The following RAB36 variants were observed in gnomAD, a reference collection of about 807,000 sequenced individuals.
The protein encoded by RAB36 is RAB36, member RAS oncogene family.
In RAB36, 33 loss-of-function variants were observed where a neutral mutation model predicts 39.3. The ratio of observed to expected loss-of-function variants is 0.84; its 90% CI spans 0.64 to 1.12. The LOEUF is 1.12. Ranked by LOEUF, RAB36 falls within the 50% of genes most tolerant of loss-of-function variation. RAB36 has a pLI of 0.00. For synonymous variants in RAB36, 133 were observed against 140.2 expected, an observed-to-expected ratio of 0.95 and a Z score of 0.36; for missense variants, 308 against 355.3, an observed-to-expected ratio of 0.87 and a Z score of 1.07.
rs555108054 is a variant in RAB36, at chr22:23,165,004, T to A, written c.*3440T>A. On this transcript the variant is annotated 3_prime_UTR_variant, in exon 11 of 11. Coordinates refer to ENST00000263116, the MANE Select transcript of RAB36 (RefSeq NM_004914.5). ...TGCCCAACGGCTGGGACACCCCTAC[T>A]CCCAGAGAGGCCTCTGTGGACACCC... Among the ~76,000 whole-genome samples, 1 of 148,538 alleles carries A rather than the reference T, an allele frequency of 6.7e-6. No homozygotes were observed. Among genetic ancestry groups the A allele is most frequent in the South Asian group, 2.2e-4 (1 of 4,504 alleles).
At chr22:23,154,214 C>G (rs2071334190) in intron 5 of RAB36, among the ~76,000 whole-genome samples, 1 of 152,126 alleles carries the variant, frequency 6.6e-6, no homozygotes, top group African/African-American at 2.4e-5. Flanking sequence ...TGAGACCCTT[C>G]CGTGCTCCCC....
In RAB36 at chr22:23,161,410, A is replaced by G. The variant is rs1178260868; in HGVS notation, c.740-90A>G. The G allele has an allele frequency of 7.6e-6, 9 of 1,188,684 alleles. No homozygotes were observed. In the Middle Eastern group the frequency reaches 5.6e-4, roughly 75 times the overall value. 73.6% of individuals were successfully genotyped at this position (1,188,684 alleles called of 1,614,324 possible). A position where few individuals can be genotyped will look rare whatever the true frequency, so the allele number is the denominator to read the frequency against. ...ACAGCAGGCCCAGAAGCTTCAGCTC[A>G]CAGCTCTGACTGTCAGGGCCGGCAT... On this transcript the variant is annotated intron_variant, in intron 10 of 10. Transcript: ENST00000263116.
rs562332231 is a variant in RAB36 at position 23,164,710 on chromosome 22, C to T, written c.*3146C>T. ...CCGCGTCCAAGTGCTGCCGAAACGCCTTTTTCCTCTTCCCTGTTTCCCTGG... is the reference window on the plus strand; with the variant it reads ...CCGCGTCCAAGTGCTGCCGAAACGCTTTTTTCCTCTTCCCTGTTTCCCTGG... On this transcript the variant is annotated 3_prime_UTR_variant, in exon 11 of 11. Transcript: ENST00000263116. Among the ~76,000 whole-genome samples, 1 of 152,290 alleles carries T rather than the reference C, an allele frequency of 6.6e-6. No homozygotes were observed. Among genetic ancestry groups the T allele is most frequent in the East Asian group, 1.9e-4 (1 of 5,174 alleles).
chr22:23,153,588 G>A lies in RAB36; in HGVS notation c.329+454G>A, dbSNP rs1183683452. 4 of 984,560 alleles carry A rather than the reference G, an allele frequency of 4.1e-6. No individual in the cohort carries two copies. The African/African-American group carries it at 7.0e-5, about 17-fold the overall frequency. 61.0% of individuals were successfully genotyped at this position (984,560 alleles called of 1,614,324 possible). ...CTTGGGCAAGGAGGGCTGAGATGGAGTACACAGCACCCACATCCTTCCTCA... is the reference window on the plus strand; with the variant it reads ...CTTGGGCAAGGAGGGCTGAGATGGAATACACAGCACCCACATCCTTCCTCA... On this transcript the variant is annotated intron_variant, in intron 5 of 10. Coordinates refer to ENST00000263116, the MANE Select transcript of RAB36 (RefSeq NM_004914.5).
In RAB36 at chr22:23,162,397, C is replaced by G; in HGVS notation, c.*833C>G. 2.9e-6 allele frequency: 1 copy of G among 347,658 alleles called. No homozygotes were observed. 21.5% of individuals were successfully genotyped at this position (347,658 alleles called of 1,614,324 possible). The stretch of plus-strand genomic sequence containing the variant: ...CACTCTGCAGCCCTTGAACATGGCA[C>G]TGCCCTCCTCTGGCACTCATGCTGG... On this transcript the variant is annotated 3_prime_UTR_variant, in exon 11 of 11. Coordinates refer to ENST00000263116, the MANE Select transcript of RAB36 (RefSeq NM_004914.5).
chr22:23,158,843 C>T (rs1415780620), intron 7 of RAB36, 55 bp from the exon 8 acceptor site: 2 of 1,532,110 alleles, frequency 1.3e-6, no homozygotes, highest in Non-Finnish European at 1.8e-6. Context: ...CCCTCTGCCC[C>T]CTGTTTGGGG....
At chr22:23,152,909 G>A (rs186977712) in intron 4 of RAB36, 124 bp from the exon 5 acceptor site, 31 of 727,704 alleles carry the variant, frequency 4.3e-5, no homozygotes, top group Middle Eastern at 2.4e-4. Context: ...CATGGCCTGC[G>A]TGGACCATCG....
At chr22:23,166,146 TTA>T (rs2072046458), downstream of RAB36, among the ~76,000 whole-genome samples, 2 of 82,166 alleles carry the variant, frequency 2.4e-5, no homozygotes, top group Admixed American at 1.3e-4. Context: ...ACTCTGTCTT[TTA>T]AAAAAAAAAA....
At chr22:23,160,334 G>A (rs1453412082) in intron 9 of RAB36, among the ~76,000 whole-genome samples, 1 of 152,188 alleles carries the variant, frequency 6.6e-6, no homozygotes, top group African/African-American at 2.4e-5. Flanking sequence ...TGCCCTATGC[G>A]GTTGTGCAGG....
chr22:23,161,614 A>G lies in RAB36; in HGVS notation c.*50A>G. On this transcript the variant is annotated 3_prime_UTR_variant, in exon 11 of 11. Transcript: ENST00000263116. ...GCTCCCTGCACACACACGGACAGGA[A>G]TTTCCGTGACTGTGGTGTGGAGACT... 6.8e-7 allele frequency: 1 copy of G among 1,475,362 alleles called. No homozygotes were observed. Among genetic ancestry groups the G allele is most frequent in the Non-Finnish European group, 9.3e-7 (1 of 1,076,532 alleles). 91.4% of individuals were successfully genotyped at this position (1,475,362 alleles called of 1,614,324 possible). A position where few individuals can be genotyped will look rare whatever the true frequency, so the allele number is the denominator to read the frequency against.
At chr22:23,167,674 C>T (rs941293331), downstream of RAB36, among the ~76,000 whole-genome samples, 10 of 152,210 alleles carry the variant, frequency 6.6e-5, no homozygotes, top group Admixed American at 2.0e-4. Context: ...TAAATTGACA[C>T]GTTCACTCAT....
chr22:23,156,231 C>T (rs1457822831), intron 6 of RAB36, 199 bp downstream of exon 6: 1 of 538,622 alleles, frequency 1.9e-6, no homozygotes, highest in African/African-American at 2.0e-5. Context: ...GCGATCACAC[C>T]CTTTAAGGAC....
At chr22:23,145,462 T>C, upstream of RAB36, 1 of 1,610,018 alleles carries the variant, frequency 6.2e-7, no homozygotes, top group Non-Finnish European at 8.5e-7. Flanking sequence ...AGCCCGCAGG[T>C]CCCGCGTGGC....
In RAB36 at chr22:23,165,146, T is replaced by C. The variant is rs1170781889; in HGVS notation, c.*3582T>C. ...CAGTGACCTCATCACCTCTACTGTC[T>C]CCCCTAGCACCTCTGGGAGGAAGGG... On this transcript the variant is annotated 3_prime_UTR_variant, in exon 11 of 11. Coordinates refer to ENST00000263116, the MANE Select transcript of RAB36 (RefSeq NM_004914.5). Among the ~76,000 whole-genome samples the C allele has an allele frequency of 1.3e-5, 2 of 152,052 alleles. No homozygotes were observed. Among genetic ancestry groups the C allele is most frequent in the African/African-American group, 4.8e-5 (2 of 41,374 alleles).
chr22:23,155,735 G>A (rs568737002), intron 5 of RAB36, among the ~76,000 whole-genome samples: 42 of 152,322 alleles, frequency 2.8e-4, no homozygotes, highest in Admixed American at 2.5e-3. Flanking sequence ...AACAACTAAT[G>A]CCACACACCC....
intron 6 of RAB36, among the ~76,000 whole-genome samples, 198 bp from the exon 7 acceptor site, chr22:23,157,794 G>C (rs1436628576): frequency 6.6e-6 from 1 of 152,186 alleles, no homozygotes; most frequent in Non-Finnish European, 1.5e-5. Flanking sequence ...CTGGGCTGCC[G>C]GGTGCAGGCT....
downstream of RAB36, among the ~76,000 whole-genome samples, chr22:23,168,412 A>T (rs1448759869): frequency 1.3e-5 from 2 of 152,130 alleles, no homozygotes; most frequent in East Asian, 3.9e-4. Flanking sequence ...AGAGGAAGAA[A>T]CTCACAGCAC....
chr22:23,165,176 C>A lies in RAB36; in HGVS notation c.*3612C>A, dbSNP rs1364263466. Among the ~76,000 whole-genome samples the A allele has an allele frequency of 6.6e-6, 1 of 152,216 alleles. No individual in the cohort carries two copies. The highest frequency in any genetic ancestry group is 1.9e-4 in the East Asian group (1 of 5,198). The stretch of plus-strand genomic sequence containing the variant: ...TAGCACCTCTGGGAGGAAGGGCCCA[C>A]AGTAGGTGCTCAATAGATGTGTAAA... On this transcript the variant is annotated 3_prime_UTR_variant, in exon 11 of 11. Transcript: ENST00000263116.
intron 5 of RAB36, among the ~76,000 whole-genome samples, chr22:23,154,171 G>A (rs1046514411): frequency 1.3e-5 from 2 of 152,038 alleles, no homozygotes; most frequent in Non-Finnish European, 2.9e-5. Flanking sequence ...CTGCAGGCCT[G>A]CCTGGGCTCG....
Sources: gnomAD v4.1 joint callset for allele counts (sites outside exome capture counted in the v4.1 genomes callset) on GRCh38, gnomAD v4.1.1 for gene constraint, MANE v1.5 for transcripts, NCBI Gene and HGNC (gene_info 2026-07-23, HGNC 2026-07-21) for gene names.